The following KATNIP variants were observed in gnomAD, a reference collection of about 807,000 sequenced individuals.
The protein encoded by KATNIP is katanin-interacting protein.
A neutral mutation model predicts 174.0 loss-of-function variants in KATNIP; 126 were observed. The observed-to-expected ratio is 0.72, with a 90% CI of 0.63 to 0.84. The LOEUF is 0.84. KATNIP is among the 40% of genes least tolerant of loss of function. KATNIP has a pLI of 0.00. For synonymous variants in KATNIP, 810 were observed against 835.7 expected (o/e 0.97, Z 0.53); for missense variants, 1,958 against 2,109.7 (o/e 0.93, Z 1.41).
chr16:27,749,140 G>A (rs751770442), intron 15 of KATNIP, among the ~76,000 whole-genome samples: 19 of 152,196 alleles, frequency 1.2e-4, no homozygotes, highest in Admixed American at 3.3e-4. Flanking sequence ...AGTGGGGAGC[G>A]ACTCCTGGCA....
chr16:27,729,644 G>A (rs1340709375), intron 14 of KATNIP, among the ~76,000 whole-genome samples: 3 of 152,094 alleles, frequency 2.0e-5, no homozygotes, highest in East Asian at 3.9e-4. Context: ...CCACTGGATC[G>A]CTATTTCTGG....
rs756488145 is a variant in KATNIP at position 27,769,906 on chromosome 16, C to T, written c.4021C>T (p.Pro1341Ser). 6.2e-7 allele frequency: 1 copy of T among 1,614,254 alleles called. No homozygotes were observed. The highest frequency in any genetic ancestry group is 1.1e-5 in the South Asian group (1 of 91,086). Reference sequence around the variant, plus strand: ...CCTGGATGGCCTGTGCGTCTCCCCGCCAGAGGGCTTTCTCATCCGGAAGGG... The same window carrying T: ...CCTGGATGGCCTGTGCGTCTCCCCGTCAGAGGGCTTTCTCATCCGGAAGGG... ...VSLDGLCVSPPEGFLIRKGPG... is the reference protein window; with the variant it reads ...VSLDGLCVSPSEGFLIRKGPG... The change falls in exon 21 of 28, where the codon CCA (proline) becomes TCA (serine). Residue 1341 changes from proline to serine, a missense_variant. This residue lies in a region of KATNIP where 383 missense variants were observed against 456.0 expected (regional missense o/e 0.84). Transcript: ENST00000261588.
rs200420515 is a variant in KATNIP, at chr16:27,703,963, G to A, written c.1354G>A (p.Val452Ile). Residue 452 changes from valine (V) to isoleucine (I), a missense_variant, in exon 12 of 28, where the codon GTT (valine) becomes ATT (isoleucine). Around this residue, in one of 3 missense-constraint regions of KATNIP, gnomAD observed 1,557 missense variants for 1,617.8 expected, o/e 0.96. Coordinates refer to ENST00000261588, the MANE Select transcript of KATNIP (RefSeq NM_015202.5). Reference sequence around the variant, plus strand: ...TGACTCTGCCCATCTCGGCAGGGTGGTTTCACCAACCAAGGAGCAAGTATC... The same window carrying A: ...TGACTCTGCCCATCTCGGCAGGGTGATTTCACCAACCAAGGAGCAAGTATC... ...ESDSAHLGRV[V>I]SPTKEQVSDT... 2.2e-3 allele frequency: 3,599 copies of A among 1,614,224 alleles called. 103 individuals carry two copies. The South Asian group carries it at 0.038, about 17-fold the overall frequency.
At chr16:27,566,789 A>G (rs1363127671) in intron 1 of KATNIP, among the ~76,000 whole-genome samples, 1 of 152,168 alleles carries the variant, frequency 6.6e-6, no homozygotes, top group African/African-American at 2.4e-5. Context: ...CCCAAGAGCT[A>G]TCACCCGGGG....
At chr16:27,661,989 CATACATAT>C (rs1567269494) in intron 6 of KATNIP, among the ~76,000 whole-genome samples, 1 of 25,692 alleles carries the variant, frequency 3.9e-5, no homozygotes, top group African/African-American at 2.6e-4. Context: ...TATATATACA[CATACATAT>C]ATATATATAT....
chr16:27,645,550 C>G (rs182175107), intron 5 of KATNIP, among the ~76,000 whole-genome samples: 1 of 152,314 alleles, frequency 6.6e-6, no homozygotes, highest in East Asian at 1.9e-4. Context: ...TAGATTGCTG[C>G]ATCTTAGAGA....
At chr16:27,736,002 AATTT>A (rs2080882008) in intron 14 of KATNIP, among the ~76,000 whole-genome samples, 1 of 152,042 alleles carries the variant, frequency 6.6e-6, no homozygotes, top group Non-Finnish European at 1.5e-5. Context: ...ATTCCAAAGT[AATTT>A]ATTTATTTAT....
intron 14 of KATNIP, among the ~76,000 whole-genome samples, chr16:27,729,938 A>G (rs1403359908): frequency 6.6e-6 from 1 of 151,716 alleles, no homozygotes; most frequent in Non-Finnish European, 1.5e-5. Context: ...CCTTCCCTCC[A>G]CTGCTCATGG....
chr16:27,778,538 T>G, intron 27 of KATNIP, 36 bp from the exon 28 acceptor site: 1 of 1,606,622 alleles, frequency 6.2e-7, no homozygotes, highest in Non-Finnish European at 8.5e-7. Context: ...GTTTGAGACT[T>G]AGTAACTCTG....
chr16:27,733,128 T>C lies in KATNIP; in HGVS notation c.1744-6913T>C, dbSNP rs114740748. On this transcript the variant is annotated intron_variant, in intron 14 of 27. Transcript: ENST00000261588. ...TGGCTGTGCCAAAGGCAGGTGCTCA[T>C]CTCTGGGGAAAGTGGCTTAAGATGC... 3.0e-3 allele frequency among the ~76,000 whole-genome samples: 459 copies of C among 152,258 alleles called. 2 individuals carry two copies. Among genetic ancestry groups the C allele is most frequent in the African/African-American group, 0.011 (443 of 41,556 alleles).
At chr16:27,660,360 C>A (rs1294870554) in intron 6 of KATNIP, among the ~76,000 whole-genome samples, 1 of 152,162 alleles carries the variant, frequency 6.6e-6, no homozygotes, top group Non-Finnish European at 1.5e-5. Flanking sequence ...ACCAGCCTGG[C>A]CAACATGGTG....
At chr16:27,650,503 G>A (rs576279113) in intron 6 of KATNIP, among the ~76,000 whole-genome samples, 32 of 152,322 alleles carry the variant, frequency 2.1e-4, no homozygotes, top group Middle Eastern at 3.4e-3. Context: ...ACCCTGCCCC[G>A]CTTGCCAGAG....
intron 23 of KATNIP, among the ~76,000 whole-genome samples, chr16:27,773,893 CTG>C (rs1390817873): frequency 6.6e-6 from 1 of 152,190 alleles, no homozygotes; most frequent in Non-Finnish European, 1.5e-5. Context: ...AGGGCTCACT[CTG>C]TGCTACCTCA....
chr16:27,607,436 G>A (rs1309498238), intron 2 of KATNIP, among the ~76,000 whole-genome samples: 1 of 152,236 alleles, frequency 6.6e-6, no homozygotes, highest in East Asian at 1.9e-4. Flanking sequence ...ATAAACAGCA[G>A]TAAAGGATGC....
intron 2 of KATNIP, among the ~76,000 whole-genome samples, chr16:27,597,316 G>T (rs1349705479): frequency 6.6e-6 from 1 of 151,520 alleles, no homozygotes; most frequent in Non-Finnish European, 1.5e-5. Context: ...AGCTAGGCAT[G>T]CATGCTTCCA....
At chr16:27,648,887 T>A (rs2077041574) in intron 6 of KATNIP, 152 bp downstream of exon 6, 7 of 991,902 alleles carry the variant, frequency 7.1e-6, no homozygotes, top group Non-Finnish European at 8.8e-6. Flanking sequence ...TCACACAGTT[T>A]GATGAGCAGA....
chr16:27,739,587 G>A (rs1001476013), intron 14 of KATNIP, among the ~76,000 whole-genome samples: 3 of 152,156 alleles, frequency 2.0e-5, no homozygotes, highest in Non-Finnish European at 2.9e-5. Context: ...CAGGCTTTTC[G>A]ACGCAGATGG....
At chr16:27,659,640 A>G (rs567467554) in intron 6 of KATNIP, among the ~76,000 whole-genome samples, 118 of 152,336 alleles carry the variant, frequency 7.7e-4, no homozygotes, top group Non-Finnish European at 1.1e-3. Flanking sequence ...GTTTGGTTAC[A>G]TTTTAAAATG....
Position 27,766,475 on chromosome 16 carries a change from G to A in KATNIP, c.3975+1G>A, listed in dbSNP as rs377359980. On this transcript the variant is annotated splice_donor_variant, in intron 20 of 27. Transcript: ENST00000261588. LOFTEE classifies it high-confidence loss of function. ...ATCTCCCGAGGACACCTATCGCGGG[G>A]TAAGCTGGGGAGCAGTGGCCGTGCT... 5.6e-6 allele frequency: 9 copies of A among 1,610,336 alleles called. No individual in the cohort carries two copies. In the African/African-American group the frequency reaches 1.1e-4, roughly 19 times the overall value.
Sources: allele counts gnomAD v4.1 joint callset (sites outside exome capture counted in the v4.1 genomes callset), GRCh38; gene constraint gnomAD v4.1.1; regional missense constraint gnomAD v4.1.1; transcripts MANE v1.5; gene names NCBI Gene and HGNC (gene_info 2026-07-23, HGNC 2026-07-21).